The following SNX29 variants were observed in gnomAD, a reference collection of about 807,000 sequenced individuals.
SNX29 encodes the protein sorting nexin 29.
A neutral mutation model predicts 102.1 loss-of-function variants in SNX29; 78 were observed. That is an observed-to-expected ratio of 0.76 (90% CI 0.64 to 0.92). The LOEUF (loss-of-function observed/expected upper bound fraction) is 0.92, where lower values mean the gene tolerates loss of function less well. Ranked by LOEUF, SNX29 falls within the 40% of genes least tolerant of loss-of-function variation. The pLI is 0.00. For missense variants in SNX29, 1,280 were observed against 1,061.7 expected, an observed-to-expected ratio of 1.21 and a Z score of -2.86; for synonymous variants, 580 against 414.5, an observed-to-expected ratio of 1.40 and a Z score of -4.85.
intron 18 of SNX29, among the ~76,000 whole-genome samples, chr16:12,453,689 T>C (rs984951868): frequency 2.0e-5 from 3 of 152,206 alleles, no homozygotes; most frequent in Non-Finnish European, 4.4e-5. Context: ...CCTCAGTAAT[T>C]GTTCCTTTTC....
At chr16:12,312,682 G>A (rs375967183) in intron 15 of SNX29, among the ~76,000 whole-genome samples, 1 of 726 alleles carries the variant, frequency 1.4e-3, no homozygotes, top group South Asian at 0.25. Flanking sequence ...GCTTGGCTTT[G>A]GGACAGAGGG....
At chr16:12,444,868 C>G (rs1354610896) in intron 18 of SNX29, among the ~76,000 whole-genome samples, 3 of 132,268 alleles carry the variant, frequency 2.3e-5, no homozygotes, top group Admixed American at 8.3e-5. Context: ...GAGACAGAGT[C>G]TCACTCTGAC....
intron 20 of SNX29, among the ~76,000 whole-genome samples, chr16:12,532,735 C>T (rs967087865): frequency 1.4e-4 from 22 of 151,996 alleles, no homozygotes; most frequent in Non-Finnish European, 5.9e-5. Flanking sequence ...GAGGTGTTGG[C>T]CTTGGATGGA....
chr16:12,529,410 T>A (rs1435642519), intron 20 of SNX29, among the ~76,000 whole-genome samples: 1 of 152,188 alleles, frequency 6.6e-6, no homozygotes, highest in African/African-American at 2.4e-5. Flanking sequence ...GTACCGTTCG[T>A]GGAGGGAGGC....
intron 11 of SNX29, among the ~76,000 whole-genome samples, chr16:12,111,224 T>G (rs930908596): frequency 8.5e-5 from 13 of 152,174 alleles, no homozygotes; most frequent in Non-Finnish European, 2.9e-5. Context: ...GACAGGTGCA[T>G]GCACACACCT....
At chr16:12,216,850 C>T (rs1264610743) in intron 14 of SNX29, among the ~76,000 whole-genome samples, 1 of 152,160 alleles carries the variant, frequency 6.6e-6, no homozygotes, top group Non-Finnish European at 1.5e-5. Context: ...TCTTCAAGTT[C>T]ACTTGTCTTC....
intron 16 of SNX29, among the ~76,000 whole-genome samples, chr16:12,356,649 C>T (rs549210887): frequency 6.6e-6 from 1 of 152,336 alleles, no homozygotes; most frequent in African/African-American, 2.4e-5. Flanking sequence ...TTGTATGTAT[C>T]TGTTTGCCAC....
chr16:12,353,962 A>C (rs912400920), intron 15 of SNX29, among the ~76,000 whole-genome samples: 8 of 152,288 alleles, frequency 5.3e-5, no homozygotes, highest in African/African-American at 1.9e-4. Context: ...GTTGAAAAAT[A>C]AGAAGGTCAG....
At chr16:12,466,025 T>C (rs889963475) in intron 18 of SNX29, among the ~76,000 whole-genome samples, 1 of 152,224 alleles carries the variant, frequency 6.6e-6, no homozygotes, top group Non-Finnish European at 1.5e-5. Context: ...GTGACAAGCC[T>C]ACAGCTAACA....
chr16:12,335,686 T>C (rs1430795371), intron 15 of SNX29, among the ~76,000 whole-genome samples: 1 of 152,020 alleles, frequency 6.6e-6, no homozygotes. Flanking sequence ...CGTTGGGGGT[T>C]TGGGGGAAGC....
Position 12,572,370 on chromosome 16 carries a change from T to C in SNX29, c.*3741T>C, listed in dbSNP as rs1416801250. The C allele has an allele frequency of 2.8e-6, 3 of 1,062,916 alleles. No homozygotes were observed. Among genetic ancestry groups the C allele is most frequent in the Admixed American group, 1.1e-4 (2 of 18,644 alleles). 65.8% of individuals were successfully genotyped at this position (1,062,916 alleles called of 1,614,324 possible). ...TTGATGGACAGCAGGCTCTGCCTTC[T>C]GGAGGCGGCTTATATCCCAACAGCC... On this transcript the variant is annotated 3_prime_UTR_variant, in exon 21 of 21. Transcript: ENST00000566228.
intron 20 of SNX29, among the ~76,000 whole-genome samples, chr16:12,532,870 TGA>T (rs1399175085): frequency 1.3e-5 from 2 of 152,144 alleles, no homozygotes; most frequent in African/African-American, 4.8e-5. Context: ...TTCCCCTGCG[TGA>T]GAGAGCTGCA....
chr16:12,457,473 C>T (rs1252453546), intron 18 of SNX29, among the ~76,000 whole-genome samples: 2 of 152,138 alleles, frequency 1.3e-5, no homozygotes, highest in Non-Finnish European at 2.9e-5. Context: ...CAAGAATGGC[C>T]CACACTATAC....
At chr16:11,991,742 T>TG (rs2055863120) in intron 1 of SNX29, among the ~76,000 whole-genome samples, 1 of 140,968 alleles carries the variant, frequency 7.1e-6, no homozygotes, top group Non-Finnish European at 1.5e-5. Context: ...CCAGTAGAGA[T>TG]GGGGTTTCAC....
In SNX29 at chr16:12,042,997, C is replaced by A. The variant is rs535962563; in HGVS notation, c.348C>A (p.Arg116=). The part of the protein sequence containing the change: ...RHIASDVGRG[R]AWLRCALNEH... The stretch of plus-strand genomic sequence containing the variant: ...TCGCCTCAGACGTGGGCCGGGGTCG[C>A]GCCTGGCTGCGCTGTGCCCTCAACG... The change falls in exon 5 of 21, where the codon CGC becomes CGA. Residue 116 remains arginine (R), a synonymous_variant. Coordinates refer to ENST00000566228, the MANE Select transcript of SNX29 (RefSeq NM_032167.5). 6.2e-7 allele frequency: 1 copy of A among 1,613,692 alleles called. No individual in the cohort carries two copies. Among genetic ancestry groups the A allele is most frequent in the East Asian group, 2.2e-5 (1 of 44,888 alleles).
intron 18 of SNX29, among the ~76,000 whole-genome samples, chr16:12,436,644 A>G (rs1303444344): frequency 6.6e-6 from 1 of 152,152 alleles, no homozygotes; most frequent in Non-Finnish European, 1.5e-5. Context: ...CATCATCTTT[A>G]GGCACTTTCT....
At chr16:12,555,391 G>C (rs116413729) in intron 20 of SNX29, among the ~76,000 whole-genome samples, 4 of 152,060 alleles carry the variant, frequency 2.6e-5, no homozygotes, top group Non-Finnish European at 4.4e-5. Context: ...CTTTCCCTGC[G>C]TGTCTGCTGG....
chr16:12,537,255 CTTCTT>C (rs2077118016), intron 20 of SNX29, among the ~76,000 whole-genome samples: 2 of 152,158 alleles, frequency 1.3e-5, no homozygotes, highest in Admixed American at 6.5e-5. Flanking sequence ...AATAATGTAC[CTTCTT>C]TTCACCTCAG....
chr16:12,243,331 G>A (rs540741815), intron 14 of SNX29, among the ~76,000 whole-genome samples: 6 of 152,322 alleles, frequency 3.9e-5, no homozygotes, highest in African/African-American at 1.4e-4. Context: ...TCTGGCCCTC[G>A]CTGATCTCTG....
Sources: gnomAD v4.1 joint callset for allele counts (sites outside exome capture counted in the v4.1 genomes callset) on GRCh38, gnomAD v4.1.1 for gene constraint, MANE v1.5 for transcripts, NCBI Gene and HGNC (gene_info 2026-07-23, HGNC 2026-07-21) for gene names.